The following ITSN2 variants were observed in gnomAD, a reference collection of about 807,000 sequenced individuals.
The protein encoded by ITSN2 is intersectin-2.
Under a neutral mutation model 243.7 loss-of-function variants are expected in ITSN2, and 156 were observed. The observed-to-expected ratio is 0.64, with a 90% CI of 0.56 to 0.73. The LOEUF (loss-of-function observed/expected upper bound fraction) is 0.73, where lower values mean the gene tolerates loss of function less well. Ranked by LOEUF, ITSN2 falls within the 30% of genes least tolerant of loss-of-function variation. The pLI, the probability that ITSN2 is intolerant of heterozygous loss-of-function variation, is 0.00. For synonymous variants in ITSN2, 703 were observed against 699.9 expected, an observed-to-expected ratio of 1.00 and a Z score of -0.07; for missense variants, 1,801 against 1,996.1, an observed-to-expected ratio of 0.90 and a Z score of 1.86.
At chr2:24,222,668 CTTTTTTTT>C (rs56149622) in intron 29 of ITSN2, among the ~76,000 whole-genome samples, 69 of 77,252 alleles carry the variant, frequency 8.9e-4, no homozygotes, top group Middle Eastern at 0.014. Context: ...TTTTTCTTTT[CTTTTTTTT>C]TTTTTTTTTT....
rs2255539 is a variant in ITSN2, at chr2:24,357,482, C to G, written c.-34+2822G>C. 7.4e-3 allele frequency among the ~76,000 whole-genome samples: 1,132 copies of G among 152,124 alleles called. 8 individuals carry two copies. Among genetic ancestry groups the G allele is most frequent in the African/African-American group, 0.026 (1,090 of 41,450 alleles). Reference sequence around the variant, plus strand: ...CACACCAGGACCTGTTGTGGGGGGGCAATGAGGGAAGGGGACTTAGAGGAC... The same window carrying G: ...CACACCAGGACCTGTTGTGGGGGGGGAATGAGGGAAGGGGACTTAGAGGAC... On this transcript the variant is annotated intron_variant, in intron 1 of 39. Transcript: ENST00000355123.
intron 19 of ITSN2, 70 bp from the exon 20 acceptor site, chr2:24,270,838 C>A: frequency 2.5e-6 from 2 of 792,330 alleles, no homozygotes; most frequent in African/African-American, 1.7e-5. Context: ...CAATAAAGAG[C>A]TCTAAAACCT....
chr2:24,275,784 G>C lies in ITSN2; in HGVS notation c.2010C>G (p.Asp670Glu). Residue 670 changes from aspartate (D) to glutamate (E), a missense_variant, in exon 18 of 40, where the codon GAC becomes GAG. Physicochemically the swap from Asp to Glu is conservative, Grantham distance 45 (BLOSUM62 2). This residue lies in a region of ITSN2 where 787 missense variants were observed against 803.9 expected (regional missense o/e 0.98). Coordinates refer to ENST00000355123, the MANE Select transcript of ITSN2 (RefSeq NM_006277.3). Reference sequence around the variant, plus strand: ...TTTTCCTTTCAATTTCCTTCAACTTGTCACGTTTGATCTTATAAAGCTGTT... The same window carrying C: ...TTTTCCTTTCAATTTCCTTCAACTTCTCACGTTTGATCTTATAAAGCTGTT... ...ALEQLYKIKR[D>E]KLKEIERKRL... is the part of the protein sequence containing the mutation. 1 of 1,611,608 alleles carries C rather than the reference G, an allele frequency of 6.2e-7. No homozygotes were observed. The highest frequency in any genetic ancestry group is 8.5e-7 in the Non-Finnish European group (1 of 1,178,180).
rs1186602987 is a variant in ITSN2, at chr2:24,312,089, GA to G, written c.352+122del. On this transcript the variant is annotated intron_variant, in intron 5 of 39. Coordinates refer to ENST00000355123, the MANE Select transcript of ITSN2 (RefSeq NM_006277.3). ...ATTTAATATTTATTATCTCTAACAT[GA>G]AAATTAACTTGGAATCTGGGGACTG... The G allele has an allele frequency of 9.3e-6, 7 of 753,212 alleles. No homozygotes were observed. In the South Asian group the frequency reaches 1.5e-4, roughly 16 times the overall value. 46.7% of individuals were successfully genotyped at this position (753,212 alleles called of 1,614,324 possible).
At chr2:24,217,270 G>A (rs1475083968) in intron 31 of ITSN2, among the ~76,000 whole-genome samples, 1 of 152,110 alleles carries the variant, frequency 6.6e-6, no homozygotes, top group Non-Finnish European at 1.5e-5. Context: ...AATACACTTG[G>A]GTGTTTCAAG....
At chr2:24,352,335 C>A (rs957919577) in intron 1 of ITSN2, among the ~76,000 whole-genome samples, 2 of 152,162 alleles carry the variant, frequency 1.3e-5, no homozygotes, top group Admixed American at 1.3e-4. Context: ...TAATTATAAT[C>A]ACTAATCAAC....
At chr2:24,226,086 G>T (rs1413910131) in intron 29 of ITSN2, among the ~76,000 whole-genome samples, 1 of 152,094 alleles carries the variant, frequency 6.6e-6, no homozygotes, top group Non-Finnish European at 1.5e-5. Context: ...CAGTGGCTCT[G>T]ACTGCAGACC....
intron 29 of ITSN2, among the ~76,000 whole-genome samples, chr2:24,224,709 C>G (rs921578284): frequency 2.0e-5 from 3 of 151,882 alleles, no homozygotes; most frequent in Non-Finnish European, 4.4e-5. Flanking sequence ...TCTCGGCTCA[C>G]TACAACCTCC....
chr2:24,269,926 T>C (rs1677138101), intron 20 of ITSN2, among the ~76,000 whole-genome samples: 1 of 152,188 alleles, frequency 6.6e-6, no homozygotes, highest in Non-Finnish European at 1.5e-5. Context: ...GCTCCGGTAC[T>C]ACTAATAGCG....
At chr2:24,295,079 A>C (rs1170985475) in intron 14 of ITSN2, among the ~76,000 whole-genome samples, 3 of 152,220 alleles carry the variant, frequency 2.0e-5, no homozygotes, top group African/African-American at 2.4e-5. Flanking sequence ...TGTTATAGCA[A>C]GTAATGAATT....
intron 18 of ITSN2, among the ~76,000 whole-genome samples, chr2:24,274,621 C>T (rs374268755): frequency 1.3e-5 from 2 of 152,020 alleles, no homozygotes; most frequent in African/African-American, 2.4e-5. Flanking sequence ...TATAGTTATT[C>T]GTTTAACTGT....
In ITSN2 at chr2:24,210,895, G is replaced by T. The variant is rs766288254; in HGVS notation, c.4142C>A (p.Ala1381Asp). Residue 1381 changes from alanine to aspartate, a missense_variant, in exon 34 of 40, where the codon GCC (alanine) becomes GAC (aspartate). Physicochemically the swap from Ala to Asp is moderately radical, Grantham distance 126. Around this residue, in one of 5 missense-constraint regions of ITSN2, gnomAD observed 928 missense variants for 1,065.4 expected, o/e 0.87. Coordinates refer to ENST00000355123, the MANE Select transcript of ITSN2 (RefSeq NM_006277.3). ...SHADHSSLKL[A>D]LERAEELCSQ... ...GCACAGCTCCTCTGCCCGCTCGAGG[G>T]CCAGCTTTAGGGAGGAATGGTCTGC... 2 of 1,614,166 alleles carry T rather than the reference G, an allele frequency of 1.2e-6. No homozygotes were observed. The highest frequency in any genetic ancestry group is 1.7e-6 in the Non-Finnish European group (2 of 1,180,014).
chr2:24,298,776 T>A lies in ITSN2; in HGVS notation c.1383A>T (p.Glu461Asp). The change falls in exon 13 of 40, where the codon GAA (glutamate) becomes GAT (aspartate). Residue 461 changes from glutamate (E) to aspartate (D), a missense_variant. Glu to Asp is a conservative substitution (Grantham distance 45). Coordinates refer to ENST00000355123, the MANE Select transcript of ITSN2 (RefSeq NM_006277.3). ...GCTCCTGTCGCCGAATTCTCTCCCA[T>A]TCTAAGCGACGTTGTCGTTCAAGTT... ...KQELERQRRLEWERIRRQELL... is the reference protein window; with the variant it reads ...KQELERQRRLDWERIRRQELL... 1.2e-6 allele frequency: 2 copies of A among 1,610,894 alleles called. No individual in the cohort carries two copies. The highest frequency in any genetic ancestry group is 1.7e-6 in the Non-Finnish European group (2 of 1,179,076).
At chr2:24,205,461 C>T (rs1393159982) in intron 37 of ITSN2, 164 bp from the exon 38 acceptor site, 2 of 588,566 alleles carry the variant, frequency 3.4e-6, no homozygotes, top group Admixed American at 2.8e-5. Context: ...GGCTGTGTTG[C>T]CTGCTAGGAA....
In ITSN2 at chr2:24,216,101, G is replaced by A. The variant is rs1361400083; in HGVS notation, c.3938C>T (p.Ala1313Val). 6.2e-7 allele frequency: 1 copy of A among 1,612,786 alleles called. No individual in the cohort carries two copies. The highest frequency in any genetic ancestry group is 1.7e-4 in the Middle Eastern group (1 of 6,060). Residue 1313 changes from alanine to valine, a missense_variant, in exon 32 of 40, where the codon GCT becomes GTT. Physicochemically the swap from Ala to Val is moderately conservative, Grantham distance 64. Around this residue, in one of 5 missense-constraint regions of ITSN2, gnomAD observed 928 missense variants for 1,065.4 expected, o/e 0.87. Transcript: ENST00000355123. Reference protein sequence around the residue: ...RFCSCQLNGAALLQQKTDEDT... With the variant: ...RFCSCQLNGAVLLQQKTDEDT... ...TTCATCTGTCTTCTGCTGTAACAGAGCTGCTCCATTAAGCTGGCAGCTGCA... is the reference window on the plus strand; with the variant it reads ...TTCATCTGTCTTCTGCTGTAACAGAACTGCTCCATTAAGCTGGCAGCTGCA...
chr2:24,285,463 T>G (rs534729407), intron 16 of ITSN2, among the ~76,000 whole-genome samples: 6 of 152,284 alleles, frequency 3.9e-5, no homozygotes, highest in South Asian at 2.1e-4. Flanking sequence ...AAGAGAGAGA[T>G]TTCTTATACA....
At chr2:24,361,147 C>T (rs1221373378), upstream of ITSN2, among the ~76,000 whole-genome samples, 1 of 152,190 alleles carries the variant, frequency 6.6e-6, no homozygotes, top group Non-Finnish European at 1.5e-5. Flanking sequence ...ACGAGGAGCA[C>T]CCTCTACGCT....
At chr2:24,240,677 G>A (rs1304196222) in intron 29 of ITSN2, 7 of 152,036 alleles carry the variant, frequency 4.6e-5, no homozygotes, top group Admixed American at 4.6e-4. Flanking sequence ...AAACTGAGAG[G>A]TACAAAAACA....
chr2:24,216,326 A>C, intron 31 of ITSN2, 94 bp from the exon 32 acceptor site: 1 of 1,026,886 alleles, frequency 9.7e-7, no homozygotes, highest in South Asian at 2.0e-5. Context: ...AATGATAACC[A>C]GTGAGCTACC....
Sources: allele counts gnomAD v4.1 joint callset (sites outside exome capture counted in the v4.1 genomes callset), GRCh38; gene constraint gnomAD v4.1.1; regional missense constraint gnomAD v4.1.1; transcripts MANE v1.5; gene names NCBI Gene and HGNC (gene_info 2026-07-23, HGNC 2026-07-21).